The following EPC1 variants were observed in gnomAD, a reference collection of about 807,000 sequenced individuals.
EPC1 encodes enhancer of polycomb 1.
A neutral mutation model predicts 98.4 loss-of-function variants in EPC1; 12 were observed. That is an observed-to-expected ratio of 0.12 (90% CI 0.08 to 0.20). The LOEUF is 0.20. Ranked by LOEUF, EPC1 falls within the 10% of genes least tolerant of loss-of-function variation. The pLI is 1.00. For synonymous variants in EPC1, 357 were observed against 363.9 expected, an observed-to-expected ratio of 0.98 and a Z score of 0.21; for missense variants, 729 against 990.5, an observed-to-expected ratio of 0.74 and a Z score of 3.54.
At chr10:32,346,551 G>A in intron 1 of EPC1, 1 of 569,188 alleles carries the variant, frequency 1.8e-6, no homozygotes, top group Non-Finnish European at 3.1e-6. Flanking sequence ...AAGTGGCCAG[G>A]GTCAGCGGGT....
At chr10:32,282,169 C>T (rs756721780) in intron 10 of EPC1, 1 of 151,882 alleles carries the variant, frequency 6.6e-6, no homozygotes, top group South Asian at 2.1e-4. Flanking sequence ...GAAGATCTAG[C>T]AAAATTTAAG....
At chr10:32,322,265 T>A (rs1156776753) in intron 1 of EPC1, among the ~76,000 whole-genome samples, 1 of 152,078 alleles carries the variant, frequency 6.6e-6, no homozygotes, top group African/African-American at 2.4e-5. Flanking sequence ...GTTCTTCCTC[T>A]GGATTTCTAA....
At chr10:32,291,401 G>A in intron 5 of EPC1, 79 bp from the exon 6 acceptor site, 1 of 1,089,928 alleles carries the variant, frequency 9.2e-7, no homozygotes, top group Non-Finnish European at 1.3e-6. Context: ...CATTTATACT[G>A]TGAAATAATT....
intron 1 of EPC1, among the ~76,000 whole-genome samples, chr10:32,346,042 C>G (rs1419333690): frequency 6.6e-6 from 1 of 152,198 alleles, no homozygotes; most frequent in Non-Finnish European, 1.5e-5. Context: ...CCAACTAGCT[C>G]TGGAGAGGGA....
rs1838859670 is a variant in EPC1 at position 32,346,797 on chromosome 10, T to G, written c.119A>C (p.Gln40Pro). Residue 40 changes from glutamine to proline, a missense_variant, in exon 1 of 14, where the codon CAG becomes CCG. Gln to Pro is a moderately conservative substitution (Grantham distance 76). This residue lies in a region of EPC1 where 46 missense variants were observed against 119.7 expected (regional missense o/e 0.38). Transcript: ENST00000319778. Reference sequence around the variant, plus strand: ...TTCCTTCTCCATTCCGGTGGGCATCTGCGGCACGGCCCTGTTTATCGAGGC... The same window carrying G: ...TTCCTTCTCCATTCCGGTGGGCATCGGCGGCACGGCCCTGTTTATCGAGGC... ...EYASINRAVP[Q>P]MPTGMEKEEE... is the part of the protein sequence containing the mutation. The G allele has an allele frequency of 1.2e-6, 2 of 1,614,010 alleles. No individual in the cohort carries two copies. The highest frequency in any genetic ancestry group is 2.2e-5 in the East Asian group (1 of 44,874).
chr10:32,350,257 G>T (rs891429096), upstream of EPC1, among the ~76,000 whole-genome samples: 2 of 152,220 alleles, frequency 1.3e-5, no homozygotes, highest in South Asian at 4.1e-4. Context: ...GTAACACACA[G>T]TACTGTCATT....
At chr10:32,284,605 G>C in intron 10 of EPC1, 93 bp downstream of exon 10, 1 of 1,032,118 alleles carries the variant, frequency 9.7e-7, no homozygotes, top group Non-Finnish European at 1.4e-6. Context: ...AGGACTTTAA[G>C]CCATAAATGT....
intron 10 of EPC1, among the ~76,000 whole-genome samples, chr10:32,278,060 G>C (rs12265899): frequency 0.019 from 2,835 of 152,304 alleles, 92 homozygotes; most frequent in African/African-American, 0.066. Flanking sequence ...AGCCGTGAAA[G>C]ATGGAGTTTA....
intron 10 of EPC1, among the ~76,000 whole-genome samples, chr10:32,275,895 C>T (rs1278318613): frequency 6.6e-6 from 1 of 151,862 alleles, no homozygotes; most frequent in African/African-American, 2.4e-5. Flanking sequence ...TGATATCACA[C>T]CATTGCACTC....
At chr10:32,323,873 TTTA>T (rs2132925371) in intron 1 of EPC1, among the ~76,000 whole-genome samples, 1 of 152,344 alleles carries the variant, frequency 6.6e-6, no homozygotes, top group South Asian at 2.1e-4. Context: ...TCCTGGTGCA[TTTA>T]TTATTCTAAT....
intron 1 of EPC1, among the ~76,000 whole-genome samples, chr10:32,342,245 G>C (rs1016589552): frequency 5.9e-5 from 9 of 152,144 alleles, no homozygotes; most frequent in African/African-American, 1.7e-4. Context: ...GAGAAATCTA[G>C]ATTGATCTTT....
chr10:32,294,874 T>G (rs1468548132), intron 2 of EPC1, among the ~76,000 whole-genome samples: 1 of 152,200 alleles, frequency 6.6e-6, no homozygotes, highest in Non-Finnish European at 1.5e-5. Context: ...TATGATCTAG[T>G]AACATCAGAT....
At chr10:32,376,378 G>A (rs538825583) in intron 1 of EPC1, among the ~76,000 whole-genome samples, 1 of 152,134 alleles carries the variant, frequency 6.6e-6, no homozygotes, top group East Asian at 1.9e-4. Context: ...GTGTTGGAAA[G>A]TATATTTTAT....
At position 32,287,015 on chromosome 10, in the gene EPC1, C is replaced by A. The variant is rs758277141; in HGVS notation, c.1153G>T (p.Val385Phe). 1.2e-6 allele frequency: 2 copies of A among 1,613,922 alleles called. No homozygotes were observed. Among genetic ancestry groups the A allele is most frequent in the Middle Eastern group, 1.7e-4 (1 of 6,056 alleles). Residue 385 changes from valine (V) to phenylalanine (F), a missense_variant and splice_region_variant, in exon 8 of 14, where the codon GTT (valine) becomes TTT (phenylalanine). Physicochemically the swap from Val to Phe is conservative, Grantham distance 50 (BLOSUM62 -1). Coordinates refer to ENST00000319778, the MANE Select transcript of EPC1 (RefSeq NM_001272004.3). ...TCAGCTTCCGAAGAGCCAGACAAAA[C>A]CTTTAAATGAAATAAAGAAAGTAGG... ...PSSDEEPLSQ[V>F]LSGSSEAEED... is the part of the protein sequence containing the mutation.
intron 1 of EPC1, among the ~76,000 whole-genome samples, chr10:32,316,202 A>G (rs1836537628): frequency 1.3e-5 from 2 of 152,184 alleles, no homozygotes; most frequent in South Asian, 4.1e-4. Flanking sequence ...TAACAACATC[A>G]CATGATGGGG....
At chr10:32,347,223 G>C (rs1273158457), upstream of EPC1, 4 of 1,222,786 alleles carry the variant, frequency 3.3e-6, no homozygotes, top group Non-Finnish European at 3.1e-6. Context: ...GCACGCGGGC[G>C]GGGGGAGGGA....
At chr10:32,292,274 G>C (rs1431956718) in intron 5 of EPC1, 1 of 289,238 alleles carries the variant, frequency 3.5e-6, no homozygotes, top group Non-Finnish European at 6.2e-6. Flanking sequence ...CTTTGAAATG[G>C]AAATACTTGG....
rs1835846295 is a variant in EPC1, at chr10:32,305,837, A to G, written c.248T>C (p.Ile83Thr). The G allele has an allele frequency of 1.2e-6, 2 of 1,613,402 alleles. No homozygotes were observed. The highest frequency in any genetic ancestry group is 1.7e-5 in the Admixed American group (1 of 59,884). ...AGGATATATAGACTCATAGTAAGCA[A>G]TATTACTTTCTGCCTCTGGGACCGG... ...VIPVPEAESN[I>T]AYYESIYPGE... is the part of the protein sequence containing the mutation. The change falls in exon 2 of 14, where the codon ATT becomes ACT. Residue 83 changes from isoleucine to threonine, a missense_variant. Ile to Thr is a moderately conservative substitution (Grantham distance 89). This residue lies in a region of EPC1 where 46 missense variants were observed against 119.7 expected (regional missense o/e 0.38). Coordinates refer to ENST00000319778, the MANE Select transcript of EPC1 (RefSeq NM_001272004.3).
intron 10 of EPC1, chr10:32,283,281 C>T (rs1382966275): frequency 1.3e-5 from 2 of 152,204 alleles, no homozygotes; most frequent in African/African-American, 2.4e-5. Context: ...GATCCACTTA[C>T]ACTTAATGAT....
Sources: gnomAD v4.1 joint callset for allele counts (sites outside exome capture counted in the v4.1 genomes callset) on GRCh38, gnomAD v4.1.1 for gene constraint, gnomAD v4.1.1 regional missense constraint, MANE v1.5 for transcripts, NCBI Gene and HGNC (gene_info 2026-07-23, HGNC 2026-07-21) for gene names.